SUN3: variants seen among roughly 807,000 people sequenced by gnomAD.
SUN3 encodes Sad1 and UNC84 domain containing 3, also known as SUN domain-containing protein 3.
SUN3 carries 36 observed loss-of-function variants against 48.2 expected under a neutral mutation model. That is an observed-to-expected ratio of 0.75 (90% CI 0.57 to 0.99). The LOEUF is 0.99. Ranked by LOEUF, SUN3 falls within the 50% of genes least tolerant of loss-of-function variation. SUN3 has a pLI of 0.00. For synonymous variants in SUN3, 148 were observed against 147.9 expected (o/e 1.00, Z 0.00); for missense variants, 419 against 433.1 (o/e 0.97, Z 0.29).
chr7:48,006,597 T>C (rs1789532123), intron 5 of SUN3, among the ~76,000 whole-genome samples: 1 of 152,108 alleles, frequency 6.6e-6, no homozygotes, highest in Non-Finnish European at 1.5e-5. Context: ...GGCGTAACAG[T>C]TCAAGTTCAA....
chr7:48,016,298 A>G (rs1222912542), intron 3 of SUN3, among the ~76,000 whole-genome samples: 1 of 152,158 alleles, frequency 6.6e-6, no homozygotes, highest in Non-Finnish European at 1.5e-5. Context: ...TGATCCTCAA[A>G]TGCTCAGGGA....
chr7:48,003,918 C>T (rs1183850730), intron 6 of SUN3, among the ~76,000 whole-genome samples: 1 of 152,150 alleles, frequency 6.6e-6, no homozygotes, highest in Non-Finnish European at 1.5e-5. Flanking sequence ...TGCCTGATTG[C>T]CCTGGAGAGG....
intron 2 of SUN3, among the ~76,000 whole-genome samples, chr7:48,018,249 C>T (rs930736181): frequency 3.3e-5 from 5 of 152,142 alleles, no homozygotes; most frequent in Non-Finnish European, 7.4e-5. Flanking sequence ...GTCTCTGTCT[C>T]TGTTTCTGTC....
chr7:48,024,788 C>T (rs943838184), intron 2 of SUN3, among the ~76,000 whole-genome samples: 5 of 152,070 alleles, frequency 3.3e-5, no homozygotes, highest in African/African-American at 1.2e-4. Flanking sequence ...TTCTTTTTAA[C>T]AATTAGCTCC....
At chr7:48,022,160 C>G (rs187256142) in intron 2 of SUN3, among the ~76,000 whole-genome samples, 1 of 152,136 alleles carries the variant, frequency 6.6e-6, no homozygotes, top group Admixed American at 6.5e-5. Flanking sequence ...TGAAATAAGC[C>G]ATTCATAGAA....
intron 2 of SUN3, among the ~76,000 whole-genome samples, chr7:48,024,175 A>G (rs867255104): frequency 6.6e-6 from 1 of 152,196 alleles, no homozygotes; most frequent in Non-Finnish European, 1.5e-5. Flanking sequence ...GACACCCTCA[A>G]AATTACAAAC....
At chr7:48,027,084 T>G (rs112076280) in intron 1 of SUN3, among the ~76,000 whole-genome samples, 2,768 of 152,306 alleles carry the variant, frequency 0.018, 85 homozygotes, top group African/African-American at 0.064. Flanking sequence ...CATCTATAAA[T>G]GGACCCATGT....
chr7:48,034,536 A>G, the SUN3 span, among the ~76,000 whole-genome samples: 1 of 152,222 alleles, frequency 6.6e-6, no homozygotes, highest in South Asian at 2.1e-4. Flanking sequence ...CTCTGTATCA[A>G]CTTATCCCCT....
intron 6 of SUN3, among the ~76,000 whole-genome samples, chr7:48,004,452 T>A (rs1458469418): frequency 6.6e-6 from 1 of 152,228 alleles, no homozygotes; most frequent in Non-Finnish European, 1.5e-5. Context: ...GTCATGTCCA[T>A]GTACCACTCA....
intron 3 of SUN3, among the ~76,000 whole-genome samples, chr7:48,013,148 T>C (rs1229185715): frequency 6.6e-6 from 1 of 152,220 alleles, no homozygotes; most frequent in Non-Finnish European, 1.5e-5. Context: ...TTAGTCTGAA[T>C]GGCAGGCCCA....
chr7:48,027,122 T>C (rs1485138335), intron 1 of SUN3, among the ~76,000 whole-genome samples: 1 of 152,204 alleles, frequency 6.6e-6, no homozygotes, highest in Non-Finnish European at 1.5e-5. Flanking sequence ...GTCTGCCTCC[T>C]GTTCCCAGTC....
upstream of SUN3, among the ~76,000 whole-genome samples, chr7:48,032,174 C>T (rs1222733948): frequency 2.0e-5 from 3 of 152,166 alleles, no homozygotes; most frequent in Non-Finnish European, 4.4e-5. Flanking sequence ...GAATACATTC[C>T]AGGGATCGAA....
chr7:47,989,905 A>C (rs1221535540), intron 8 of SUN3, among the ~76,000 whole-genome samples: 2 of 152,248 alleles, frequency 1.3e-5, no homozygotes, highest in Non-Finnish European at 2.9e-5. Flanking sequence ...GCTTGAAGGC[A>C]GCATGCTTGT....
chr7:48,023,851 A>T (rs1300066353), intron 2 of SUN3, among the ~76,000 whole-genome samples: 1 of 152,228 alleles, frequency 6.6e-6, no homozygotes, highest in Non-Finnish European at 1.5e-5. Flanking sequence ...AGTAATCTTT[A>T]TCAAAATCCA....
At chr7:48,035,602 C>A in the SUN3 span, 1 of 693,458 alleles carries the variant, frequency 1.4e-6, no homozygotes, top group Admixed American at 2.0e-5. This position sits in a 1 kb window ranked among gnomAD's most constrained non-coding sequence, Gnocchi z 4.0. Flanking sequence ...GCGCCGCGGG[C>A]AGCACCCACG....
At position 47,994,496 on chromosome 7, in the gene SUN3, A is replaced by G; in HGVS notation, c.694-14T>C. 6.3e-7 allele frequency: 1 copy of G among 1,587,860 alleles called. No homozygotes were observed. The highest frequency in any genetic ancestry group is 8.5e-7 in the Non-Finnish European group (1 of 1,171,872). ...GTAGACATCCGGCTGGAAAGAAAACACTGAATTAATCTCTTAACTAGTTAT... is the reference window on the plus strand; with the variant it reads ...GTAGACATCCGGCTGGAAAGAAAACGCTGAATTAATCTCTTAACTAGTTAT... On this transcript the variant is annotated splice_polypyrimidine_tract_variant and intron_variant, in intron 7 of 9. Transcript: ENST00000297325.
At chr7:47,991,784 G>A (rs1057371113) in intron 8 of SUN3, among the ~76,000 whole-genome samples, 2 of 152,112 alleles carry the variant, frequency 1.3e-5, no homozygotes, top group African/African-American at 2.4e-5. Context: ...TGTGGGGAGC[G>A]TGTGGGTGAA....
At chr7:48,014,976 G>A (rs1213791150) in intron 3 of SUN3, among the ~76,000 whole-genome samples, 1 of 152,140 alleles carries the variant, frequency 6.6e-6, no homozygotes, top group Non-Finnish European at 1.5e-5. Flanking sequence ...ACATTGTAGA[G>A]GGTAGTCTTC....
At chr7:47,992,486 A>G (rs1240752140) in intron 8 of SUN3, among the ~76,000 whole-genome samples, 1 of 152,226 alleles carries the variant, frequency 6.6e-6, no homozygotes, top group East Asian at 1.9e-4. Context: ...ATTTCCGTAG[A>G]GGGGTTAAAA....
Sources: allele counts gnomAD v4.1 joint callset (sites outside exome capture counted in the v4.1 genomes callset), GRCh38; gene constraint gnomAD v4.1.1; non-coding constraint Gnocchi (gnomAD v3.1); transcripts MANE v1.5; gene names NCBI Gene and HGNC (gene_info 2026-07-23, HGNC 2026-07-21).